The following FBXO16 variants were observed in gnomAD, a reference collection of about 807,000 sequenced individuals.
FBXO16 encodes F-box only protein 16.
Under a neutral mutation model 41.0 loss-of-function variants are expected in FBXO16, and 31 were observed. That is an observed-to-expected ratio of 0.76 (90% CI 0.57 to 1.02). The LOEUF (loss-of-function observed/expected upper bound fraction) is 1.02, where lower values mean the gene tolerates loss of function less well. FBXO16 is among the 50% of genes least tolerant of loss of function. FBXO16 has a pLI of 0.00. For missense variants in FBXO16, 361 were observed against 346.2 expected, an observed-to-expected ratio of 1.04 and a Z score of -0.34; for synonymous variants, 133 against 117.8, an observed-to-expected ratio of 1.13 and a Z score of -0.84.
intron 5 of FBXO16, among the ~76,000 whole-genome samples, chr8:28,456,070 G>A (rs1803033518): frequency 2.0e-5 from 3 of 152,028 alleles, no homozygotes. Context: ...ATGAAATGAT[G>A]CACAACTCTG....
At chr8:28,484,809 G>A (rs1803575200) in intron 1 of FBXO16, among the ~76,000 whole-genome samples, 1 of 152,110 alleles carries the variant, frequency 6.6e-6, no homozygotes, top group Non-Finnish European at 1.5e-5. Context: ...TAGCCAGGAT[G>A]GTCTCGATCT....
chr8:28,482,501 T>A (rs1488149519), intron 2 of FBXO16, among the ~76,000 whole-genome samples: 1 of 152,152 alleles, frequency 6.6e-6, no homozygotes, highest in Admixed American at 6.5e-5. Flanking sequence ...TCCACCGTGA[T>A]CCTTTAGTGT....
intron 6 of FBXO16, among the ~76,000 whole-genome samples, chr8:28,450,467 G>A (rs1802935189): frequency 6.6e-6 from 1 of 152,156 alleles, no homozygotes; most frequent in Non-Finnish European, 1.5e-5. Flanking sequence ...CATCAAAATT[G>A]AAAACTTTTG....
intron 7 of FBXO16, among the ~76,000 whole-genome samples, chr8:28,439,205 G>A (rs1393159593): frequency 2.0e-5 from 3 of 152,072 alleles, no homozygotes; most frequent in Non-Finnish European, 1.5e-5. Context: ...TTAGGTAGGT[G>A]TCATTATTCC....
chr8:28,476,198 T>C (rs1288841337), intron 2 of FBXO16, among the ~76,000 whole-genome samples: 1 of 152,016 alleles, frequency 6.6e-6, no homozygotes, highest in Non-Finnish European at 1.5e-5. Context: ...AACAAGAAGG[T>C]AGTAGAAAAG....
chr8:28,465,059 A>G (rs983191547), intron 3 of FBXO16: 1 of 153,178 alleles, frequency 6.5e-6, no homozygotes, highest in Non-Finnish European at 1.5e-5. Context: ...TGCAAGCCTT[A>G]CAACAAGTTA....
chr8:28,451,307 T>G (rs1286692051), intron 6 of FBXO16, among the ~76,000 whole-genome samples: 1 of 152,136 alleles, frequency 6.6e-6, no homozygotes, highest in African/African-American at 2.4e-5. Context: ...TGAAGAGATT[T>G]CTGGTGTGTT....
chr8:28,453,770 T>G (rs967749253), intron 5 of FBXO16, among the ~76,000 whole-genome samples: 1 of 151,944 alleles, frequency 6.6e-6, no homozygotes, highest in African/African-American at 2.4e-5. Flanking sequence ...TTGTAATTAT[T>G]TGTTTATTTG....
intron 7 of FBXO16, among the ~76,000 whole-genome samples, chr8:28,431,034 A>C (rs1188974065): frequency 1.3e-5 from 2 of 152,208 alleles, no homozygotes; most frequent in African/African-American, 4.8e-5. Context: ...CTAGCTCTCT[A>C]TGACACAAGA....
intron 5 of FBXO16, among the ~76,000 whole-genome samples, chr8:28,453,119 T>C (rs899233869): frequency 2.6e-5 from 4 of 152,180 alleles, no homozygotes; most frequent in East Asian, 1.9e-4. Flanking sequence ...ACAATAACTC[T>C]ATAAGGTAAT....
intron 7 of FBXO16, among the ~76,000 whole-genome samples, chr8:28,436,200 T>A (rs780259153): frequency 2.3e-4 from 35 of 152,142 alleles, no homozygotes; most frequent in Non-Finnish European, 4.6e-4. Flanking sequence ...TGCTTAATCC[T>A]CAGGATGGAG....
intron 1 of FBXO16, among the ~76,000 whole-genome samples, chr8:28,487,374 C>T (rs13248834): frequency 0.91 from 136,996 of 150,486 alleles, 62,498 homozygotes; most frequent in South Asian, 0.93. Context: ...AGACCATTTG[C>T]TACTATTAAG....
chr8:28,461,213 T>A (rs145818016), intron 4 of FBXO16, among the ~76,000 whole-genome samples: 1 of 152,112 alleles, frequency 6.6e-6, no homozygotes, highest in African/African-American at 2.4e-5. Context: ...AATATTCTTA[T>A]ACAGGTATGG....
At position 28,452,875 on chromosome 8, in the gene FBXO16, A is replaced by G. The variant is rs1212572556; in HGVS notation, c.508-399T>C. Among the ~76,000 whole-genome samples the G allele has an allele frequency of 2.0e-5, 3 of 151,984 alleles. No homozygotes were observed. In the East Asian group the frequency reaches 5.8e-4, roughly 29 times the overall value. ...AATAATAATAACAACAACAAAACAAAGAATATATTGATGTGAGTTGGCTGA... is the reference window on the plus strand; with the variant it reads ...AATAATAATAACAACAACAAAACAAGGAATATATTGATGTGAGTTGGCTGA... On this transcript the variant is annotated intron_variant, in intron 5 of 8. Coordinates refer to ENST00000380254, the MANE Select transcript of FBXO16 (RefSeq NM_172366.4).
intron 7 of FBXO16, among the ~76,000 whole-genome samples, chr8:28,440,207 A>G (rs982514234): frequency 5.3e-5 from 8 of 152,034 alleles, no homozygotes; most frequent in Admixed American, 2.6e-4. Context: ...GGCTCAAGTG[A>G]TCCTCCTACC....
At chr8:28,444,639 A>G (rs1273997040) in intron 7 of FBXO16, among the ~76,000 whole-genome samples, 3 of 148,236 alleles carry the variant, frequency 2.0e-5, no homozygotes. Context: ...CACTTCGCCG[A>G]GCTAATTTTT....
intron 7 of FBXO16, among the ~76,000 whole-genome samples, chr8:28,446,393 G>A (rs576272309): frequency 6.6e-6 from 1 of 150,864 alleles, no homozygotes; most frequent in South Asian, 2.1e-4. Flanking sequence ...GGCTGCGCTC[G>A]AATCCCTGAC....
chr8:28,460,186 G>C (rs934192425), intron 4 of FBXO16, among the ~76,000 whole-genome samples: 3 of 137,460 alleles, frequency 2.2e-5, no homozygotes, highest in Non-Finnish European at 4.6e-5. Flanking sequence ...TATAATTCCA[G>C]AATATTCTAG....
At chr8:28,434,934 G>A (rs1802665383) in intron 7 of FBXO16, among the ~76,000 whole-genome samples, 1 of 152,228 alleles carries the variant, frequency 6.6e-6, no homozygotes, top group African/African-American at 2.4e-5. Flanking sequence ...CCCCAGAGGG[G>A]GTGTCAGTGT....
Sources: gnomAD v4.1 joint callset for allele counts (sites outside exome capture counted in the v4.1 genomes callset) on GRCh38, gnomAD v4.1.1 for gene constraint, MANE v1.5 for transcripts, NCBI Gene and HGNC (gene_info 2026-07-23, HGNC 2026-07-21) for gene names.